The following RNPEP variants were observed in gnomAD, a reference collection of about 807,000 sequenced individuals.
RNPEP encodes arginyl aminopeptidase, also known as aminopeptidase B.
In RNPEP, 57 loss-of-function variants were observed where a neutral mutation model predicts 70.1. The observed-to-expected ratio is 0.81, with a 90% CI of 0.66 to 1.01. The LOEUF is 1.01. Ranked by LOEUF, RNPEP falls within the 50% of genes least tolerant of loss-of-function variation. The pLI is 0.00. For synonymous variants in RNPEP, 335 were observed against 357.4 expected (o/e 0.94, Z 0.71); for missense variants, 787 against 852.4 (o/e 0.92, Z 0.96).
chr1:201,986,433 G>A (rs190824064), intron 1 of RNPEP, among the ~76,000 whole-genome samples: 31 of 151,694 alleles, frequency 2.0e-4, no homozygotes, highest in African/African-American at 7.0e-4. Flanking sequence ...CAGGTATAGC[G>A]TAGGATGACC....
chr1:202,005,825 C>T lies in RNPEP; in HGVS notation c.*109C>T. On this transcript the variant is annotated 3_prime_UTR_variant, in exon 11 of 11. Transcript: ENST00000295640. The stretch of plus-strand genomic sequence containing the variant: ...CAACTTCCTGGAGTTTATATCCCCT[C>T]AGGATAATCTATTCTCTAGCTTAGG... 7.8e-7 allele frequency: 1 copy of T among 1,274,592 alleles called. No homozygotes were observed. The highest frequency in any genetic ancestry group is 1.1e-6 in the Non-Finnish European group (1 of 899,144). The allele number at this position is 1,274,592 out of a possible 1,614,324, so 79.0% of individuals were successfully genotyped here. A position where few individuals can be genotyped will look rare whatever the true frequency, so the allele number is the denominator to read the frequency against.
At chr1:201,995,652 G>C (rs994861150) in intron 3 of RNPEP, 1 of 156,352 alleles carries the variant, frequency 6.4e-6, no homozygotes, top group African/African-American at 2.4e-5. Context: ...ACTCTAGCCT[G>C]GGCAACAGAG....
chr1:202,000,912 A>C (rs1558266939), intron 6 of RNPEP: 1 of 146,032 alleles, frequency 6.8e-6, no homozygotes, highest in African/African-American at 2.5e-5. Context: ...AAAAAAAAAA[A>C]CATTGATCTG....
intron 9 of RNPEP, 68 bp downstream of exon 9, chr1:202,003,529 C>T: frequency 8.6e-7 from 1 of 1,159,176 alleles, no homozygotes; most frequent in Non-Finnish European, 1.3e-6. Flanking sequence ...GAGGGAGGCT[C>T]ACAAAAAGTA....
At chr1:202,004,638 C>A in intron 10 of RNPEP, 142 bp downstream of exon 10, 2 of 998,802 alleles carry the variant, frequency 2.0e-6, no homozygotes, top group African/African-American at 1.6e-5. Context: ...CCCTACCACT[C>A]AGCCTCTTTA....
intron 1 of RNPEP, among the ~76,000 whole-genome samples, chr1:201,984,210 G>T (rs1021087306): frequency 3.3e-5 from 5 of 152,180 alleles, no homozygotes; most frequent in African/African-American, 4.8e-5. Flanking sequence ...TGGGATTACA[G>T]GCGTGAGCCA....
chr1:201,991,358 C>T (rs1317693141), intron 3 of RNPEP, among the ~76,000 whole-genome samples: 1 of 152,160 alleles, frequency 6.6e-6, no homozygotes, highest in Admixed American at 6.5e-5. Flanking sequence ...CGTGATCCAT[C>T]CACCTCGGCC....
chr1:201,996,106 C>T, intron 3 of RNPEP, 41 bp from the exon 4 acceptor site: 1 of 1,529,638 alleles, frequency 6.5e-7, no homozygotes, highest in Non-Finnish European at 9.1e-7. Flanking sequence ...CTGCGATGGT[C>T]TCTAAACACC....
At chr1:201,988,839 C>G in intron 1 of RNPEP, 65 bp from the exon 2 acceptor site, 5 of 1,527,050 alleles carry the variant, frequency 3.3e-6, no homozygotes, top group East Asian at 2.3e-5. Flanking sequence ...AGCCAGCTCA[C>G]TTCTCTGGCC....
chr1:202,002,256 C>G (rs534524517), intron 8 of RNPEP, among the ~76,000 whole-genome samples: 3 of 151,858 alleles, frequency 2.0e-5, no homozygotes, highest in Non-Finnish European at 4.4e-5. Flanking sequence ...CTCCGCCTGC[C>G]GGGTTCAAGC....
chr1:201,992,794 C>A (rs1235124490), intron 3 of RNPEP, among the ~76,000 whole-genome samples: 1 of 152,156 alleles, frequency 6.6e-6, no homozygotes, highest in Non-Finnish European at 1.5e-5. Context: ...TGAAACTACA[C>A]AGTAATAACC....
intron 1 of RNPEP, among the ~76,000 whole-genome samples, chr1:201,987,489 G>A (rs1683175324): frequency 6.9e-6 from 1 of 143,904 alleles, no homozygotes; most frequent in Admixed American, 7.3e-5. Flanking sequence ...CCAGGCTGGA[G>A]TGCAGTGGCA....
At chr1:202,001,206 C>G (rs1030790244) in intron 6 of RNPEP, 170 bp from the exon 7 acceptor site, 1 of 604,664 alleles carries the variant, frequency 1.7e-6, no homozygotes, top group Non-Finnish European at 2.9e-6. Context: ...TTGAGAGAGT[C>G]CAAGATCTGG....
intron 1 of RNPEP, 134 bp from the exon 2 acceptor site, chr1:201,988,770 G>T: frequency 3.6e-6 from 4 of 1,117,046 alleles, no homozygotes; most frequent in Non-Finnish European, 3.8e-6. Context: ...GAGCTTTCTA[G>T]TTCAAACCAG....
In RNPEP at chr1:201,983,042, T is replaced by C. The variant is rs768611715; in HGVS notation, c.376T>C (p.Phe126Leu). ...SHYGQALCVSFPQPCRAAERL... is the reference protein window; with the variant it reads ...SHYGQALCVSLPQPCRAAERL... Reference sequence around the variant, plus strand: ...CTATGGCCAGGCCCTGTGCGTGTCCTTCCCGCAGCCCTGCCGCGCCGCCGA... The same window carrying C: ...CTATGGCCAGGCCCTGTGCGTGTCCCTCCCGCAGCCCTGCCGCGCCGCCGA... The change falls in exon 1 of 11, where the codon TTC (phenylalanine) becomes CTC (leucine). Residue 126 changes from phenylalanine (F) to leucine (L), a missense_variant. Coordinates refer to ENST00000295640, the MANE Select transcript of RNPEP (RefSeq NM_020216.4). The C allele has an allele frequency of 3.9e-6, 6 of 1,528,456 alleles. No homozygotes were observed. The South Asian group carries it at 7.3e-5, about 19-fold the overall frequency. 94.7% of individuals were successfully genotyped at this position (1,528,456 alleles called of 1,614,324 possible). A position where few individuals can be genotyped will look rare whatever the true frequency, so the allele number is the denominator to read the frequency against.
In RNPEP at chr1:202,006,121, T is replaced by TA. The variant is rs1156965212; in HGVS notation, c.*408dup. ...TTTTCAGGTTTAATCCTTATTTTAA[T>TA]AAAGTTTTCAAGCAAAAATTAAGTT... is the stretch of plus-strand genomic sequence containing the variant. On this transcript the variant is annotated 3_prime_UTR_variant, in exon 11 of 11. Transcript: ENST00000295640. 2 of 169,754 alleles carry TA rather than the reference T, an allele frequency of 1.2e-5. No individual in the cohort carries two copies. Among genetic ancestry groups the TA allele is most frequent in the Non-Finnish European group, 2.6e-5 (2 of 77,314 alleles). 10.5% of individuals were successfully genotyped at this position (169,754 alleles called of 1,614,324 possible). A position where few individuals can be genotyped will look rare whatever the true frequency, so the allele number is the denominator to read the frequency against.
chr1:201,994,786 C>G (rs1423422390), intron 3 of RNPEP, among the ~76,000 whole-genome samples: 1 of 151,192 alleles, frequency 6.6e-6, no homozygotes, highest in African/African-American at 2.4e-5. Flanking sequence ...CCTGCCTCAG[C>G]CTCTCAGGTA....
At position 201,984,821 on chromosome 1, in the gene RNPEP, C is replaced by CTTTTTTTTTTTT. The variant is rs200795347; in HGVS notation, c.447+1733_447+1744dup. On this transcript the variant is annotated intron_variant, in intron 1 of 10. Transcript: ENST00000295640. ...TTACTGCTAACTTTTGTATTTCTTT[C>CTTTTTTTTTTTT]TTTTTTTTTTTTTTTTTTTTTTTTT... 1.1e-4 allele frequency among the ~76,000 whole-genome samples: 14 copies of CTTTTTTTTTTTT among 122,032 alleles called. 1 individual carries two copies. Among genetic ancestry groups the CTTTTTTTTTTTT allele is most frequent in the Non-Finnish European group, 1.7e-4 (10 of 58,982 alleles). 80.1% of individuals were successfully genotyped at this position (122,032 alleles called of 152,430 possible).
chr1:201,984,415 T>C (rs934439491), intron 1 of RNPEP, among the ~76,000 whole-genome samples: 14 of 152,194 alleles, frequency 9.2e-5, no homozygotes, highest in African/African-American at 3.4e-4. Flanking sequence ...TGATGAGCCT[T>C]TCCAAAGGAA....
Sources: allele counts gnomAD v4.1 joint callset (sites outside exome capture counted in the v4.1 genomes callset), GRCh38; gene constraint gnomAD v4.1.1; transcripts MANE v1.5; gene names NCBI Gene and HGNC (gene_info 2026-07-23, HGNC 2026-07-21).